The following CDH11 variants were observed in gnomAD, a reference collection of about 807,000 sequenced individuals.
CDH11 encodes the protein cadherin 11, also known as cadherin-11.
A neutral mutation model predicts 67.8 loss-of-function variants in CDH11; 11 were observed. The observed-to-expected ratio is 0.16, with a 90% confidence interval of 0.10 to 0.27. CDH11 has a LOEUF of 0.27. Ranked by LOEUF, CDH11 falls within the 10% of genes least tolerant of loss-of-function variation. The pLI is 1.00. For synonymous variants in CDH11, 419 were observed against 400.0 expected (o/e 1.05, Z -0.57); for missense variants, 847 against 1,031.2 (o/e 0.82, Z 2.45).
chr16:64,982,761 A>G (rs2072387197), intron 7 of CDH11: 2 of 156,622 alleles, frequency 1.3e-5, no homozygotes, highest in African/African-American at 4.8e-5. Context: ...CAGCTTGATC[A>G]TATTGAAAGC....
intron 1 of CDH11, among the ~76,000 whole-genome samples, chr16:65,106,287 T>C (rs1174178323): frequency 6.6e-6 from 1 of 151,928 alleles, no homozygotes; most frequent in East Asian, 1.9e-4. Context: ...TAACAGTGAG[T>C]GGGATGGGTA....
chr16:65,055,352 C>T (rs559097951), intron 1 of CDH11, among the ~76,000 whole-genome samples: 35 of 152,226 alleles, frequency 2.3e-4, no homozygotes, highest in Admixed American at 5.2e-4. Context: ...CCACCCTGGT[C>T]GGTCCAAAAG....
At chr16:64,994,602 C>A (rs1002296099) in intron 4 of CDH11, among the ~76,000 whole-genome samples, 1 of 152,010 alleles carries the variant, frequency 6.6e-6, no homozygotes, top group Non-Finnish European at 1.5e-5. Flanking sequence ...CATCCAGCAT[C>A]ACACTGAATG....
intron 2 of CDH11, among the ~76,000 whole-genome samples, chr16:65,006,371 G>T (rs1173904840): frequency 6.6e-6 from 1 of 152,174 alleles, no homozygotes; most frequent in African/African-American, 2.4e-5. Context: ...GGGTGAAATG[G>T]TTCAGGGAAG....
intron 1 of CDH11, among the ~76,000 whole-genome samples, chr16:65,110,134 A>G (rs2075131523): frequency 1.3e-5 from 2 of 152,124 alleles, no homozygotes; most frequent in Admixed American, 6.5e-5. Context: ...ACCTCCCAAA[A>G]TGTTGAGATT....
chr16:65,044,604 A>G (rs756175936), intron 2 of CDH11, among the ~76,000 whole-genome samples: 7 of 152,118 alleles, frequency 4.6e-5, no homozygotes, highest in Non-Finnish European at 7.4e-5. Flanking sequence ...CTGCTGGAGG[A>G]GAAGATGCTT....
At chr16:65,109,057 G>T (rs2075115087) in intron 1 of CDH11, among the ~76,000 whole-genome samples, 1 of 152,144 alleles carries the variant, frequency 6.6e-6, no homozygotes, top group Non-Finnish European at 1.5e-5. Flanking sequence ...TGAGGCAAGA[G>T]AATCGCTTGA....
At chr16:65,110,624 A>ATGTGTGTGTG (rs57316241) in intron 1 of CDH11, among the ~76,000 whole-genome samples, 3 of 135,828 alleles carry the variant, frequency 2.2e-5, no homozygotes, top group Admixed American at 7.5e-5. Flanking sequence ...ATGGCCAATG[A>ATGTGTGTGTG]TGTGTGTGTG....
At chr16:65,033,369 C>G (rs905884037) in intron 2 of CDH11, among the ~76,000 whole-genome samples, 1 of 152,148 alleles carries the variant, frequency 6.6e-6, no homozygotes, top group Non-Finnish European at 1.5e-5. Context: ...TGGTTATTCT[C>G]TCTTTAGATT....
intron 1 of CDH11, among the ~76,000 whole-genome samples, chr16:65,106,275 G>T (rs1327553529): frequency 1.3e-5 from 2 of 152,138 alleles, no homozygotes; most frequent in Non-Finnish European, 2.9e-5. Flanking sequence ...GTTCCTTCTT[G>T]TTAACAGTGA....
At chr16:65,003,484 T>C (rs1252116379) in intron 3 of CDH11, among the ~76,000 whole-genome samples, 1 of 152,162 alleles carries the variant, frequency 6.6e-6, no homozygotes, top group African/African-American at 2.4e-5. Context: ...CTTGAACTCC[T>C]GACATCCCGT....
intron 9 of CDH11, 107 bp from the exon 10 acceptor site, chr16:64,972,171 C>T: frequency 1.1e-6 from 1 of 926,278 alleles, no homozygotes; most frequent in Non-Finnish European, 1.7e-6. Context: ...CTGGGCAGTG[C>T]AGGGAAAGAT....
intron 1 of CDH11, chr16:65,119,182 A>G (rs2075286846): frequency 6.6e-6 from 1 of 152,074 alleles, no homozygotes; most frequent in Non-Finnish European, 1.5e-5. Flanking sequence ...GAGAAGAAAA[A>G]CCATGAATTA....
At chr16:65,078,074 G>C (rs1339542262) in intron 1 of CDH11, among the ~76,000 whole-genome samples, 2 of 152,124 alleles carry the variant, frequency 1.3e-5, no homozygotes, top group Non-Finnish European at 2.9e-5. Context: ...ACTATGCCAA[G>C]GTACATTGCC....
chr16:65,088,217 C>CAGCT (rs1289047876), intron 1 of CDH11, among the ~76,000 whole-genome samples: 3 of 152,166 alleles, frequency 2.0e-5, no homozygotes, highest in African/African-American at 7.2e-5. Context: ...GACACCGAAT[C>CAGCT]AGCTGGCACC....
At chr16:65,071,688 T>G (rs925332597) in intron 1 of CDH11, among the ~76,000 whole-genome samples, 8 of 152,148 alleles carry the variant, frequency 5.3e-5, no homozygotes, top group African/African-American at 1.9e-4. Flanking sequence ...CGGAACAAAC[T>G]TTTGGAAACT....
chr16:64,959,679 G>A (rs1470974803), intron 11 of CDH11, among the ~76,000 whole-genome samples: 1 of 152,138 alleles, frequency 6.6e-6, no homozygotes, highest in Non-Finnish European at 1.5e-5. Context: ...GGCATTAAAA[G>A]ACATCTGCCA....
intron 11 of CDH11, among the ~76,000 whole-genome samples, chr16:64,968,880 A>G (rs552241571): frequency 1.1e-4 from 17 of 152,326 alleles, no homozygotes; most frequent in African/African-American, 3.8e-4. Context: ...TCAATATGTA[A>G]TTACTTTTAG....
chr16:65,123,106 C>T (rs1171858602), upstream of CDH11, among the ~76,000 whole-genome samples: 1 of 152,140 alleles, frequency 6.6e-6, no homozygotes, highest in Non-Finnish European at 1.5e-5. Context: ...AAAGGGCTGG[C>T]AGGGCCGGGG....
Sources: gnomAD v4.1 joint callset for allele counts (sites outside exome capture counted in the v4.1 genomes callset) on GRCh38, gnomAD v4.1.1 for gene constraint, MANE v1.5 for transcripts, NCBI Gene and HGNC (gene_info 2026-07-23, HGNC 2026-07-21) for gene names.